The following METTL22 variants were observed in gnomAD, a reference collection of about 807,000 sequenced individuals.
METTL22 encodes the protein methyltransferase 22, Kin17 lysine, also known as methyltransferase-like protein 22.
Under a neutral mutation model 48.4 loss-of-function variants are expected in METTL22, and 51 were observed. The ratio of observed to expected loss-of-function variants is 1.05; its 90% confidence interval spans 0.84 to 1.33. The LOEUF (loss-of-function observed/expected upper bound fraction) is 1.33, where lower values mean the gene tolerates loss of function less well. METTL22 is among the 40% of genes most tolerant of loss of function. METTL22 has a pLI of 0.00. For synonymous variants in METTL22, 255 were observed against 214.1 expected (o/e 1.19, Z -1.67); for missense variants, 678 against 526.9 (o/e 1.29, Z -2.81).
At chr16:8,665,098 C>G in the METTL22 span, among the ~76,000 whole-genome samples, 3 of 151,656 alleles carry the variant, frequency 2.0e-5, no homozygotes, top group African/African-American at 7.3e-5. Flanking sequence ...AGTTTGAGAC[C>G]AGCCTGGGCA....
the METTL22 span, among the ~76,000 whole-genome samples, chr16:8,656,161 G>T: frequency 3.9e-5 from 6 of 152,276 alleles, no homozygotes; most frequent in East Asian, 1.2e-3. Flanking sequence ...GTGCACCACG[G>T]CCTCGAACTG....
rs2056859320 is a variant in METTL22 at position 8,649,433 on chromosome 16, GA to G, written c.*3295del. 1 of 152,098 alleles carries G rather than the reference GA, an allele frequency of 6.6e-6. No homozygotes were observed. Among genetic ancestry groups the G allele is most frequent in the African/African-American group, 2.4e-5 (1 of 41,392 alleles). The allele number at this position is 152,098 out of a possible 1,614,324, so 9.4% of individuals were successfully genotyped here. ...ACTCAATTTTTTTATAACATTTTCA[GA>G]AAAATATGTGACCCAAGGAGGGGAC... On this transcript the variant is annotated 3_prime_UTR_variant, in exon 11 of 11. Transcript: ENST00000381920.
In METTL22 at chr16:8,629,760, C is replaced by G. The variant is rs530568713; in HGVS notation, c.514+650C>G. Among the ~76,000 whole-genome samples, 5 of 152,068 alleles carry G rather than the reference C, an allele frequency of 3.3e-5. No homozygotes were observed. The South Asian group carries it at 1.0e-3, about 31-fold the overall frequency. On this transcript the variant is annotated intron_variant, in intron 3 of 10. Coordinates refer to ENST00000381920, the MANE Select transcript of METTL22 (RefSeq NM_024109.4). ...GGCAGAGCAGAGGGGTTTGCTGACT[C>G]TAGGATTTGAAATCTAGGGACCTGG...
At chr16:8,666,310 C>T in the METTL22 span, among the ~76,000 whole-genome samples, 3 of 152,134 alleles carry the variant, frequency 2.0e-5, no homozygotes, top group Non-Finnish European at 4.4e-5. Context: ...CCCAATGGAA[C>T]GGAGCTGCAG....
At chr16:8,666,784 C>CTTTTT in the METTL22 span, 6 of 123,218 alleles carry the variant, frequency 4.9e-5, no homozygotes, top group East Asian at 2.2e-4. Flanking sequence ...TTCTTTCTTT[C>CTTTTT]TTTTTTTTTT....
In METTL22 at chr16:8,646,324, G is replaced by A; in HGVS notation, c.*181G>A. Reference sequence around the variant, plus strand: ...TCCCTGCCTCCCAGTTGTAGCCAGAGAAGGTTGTTGCTGTGGGCTGGAGGT... The same window carrying A: ...TCCCTGCCTCCCAGTTGTAGCCAGAAAAGGTTGTTGCTGTGGGCTGGAGGT... On this transcript the variant is annotated 3_prime_UTR_variant, in exon 11 of 11. Coordinates refer to ENST00000381920, the MANE Select transcript of METTL22 (RefSeq NM_024109.4). 2 of 799,812 alleles carry A rather than the reference G, an allele frequency of 2.5e-6. No individual in the cohort carries two copies. Among genetic ancestry groups the A allele is most frequent in the Non-Finnish European group, 4.2e-6 (2 of 473,136 alleles). 49.5% of individuals were successfully genotyped at this position (799,812 alleles called of 1,614,324 possible). A position where few individuals can be genotyped will look rare whatever the true frequency, so the allele number is the denominator to read the frequency against.
the METTL22 span, among the ~76,000 whole-genome samples, chr16:8,665,146 A>AAT: frequency 1.2e-5 from 1 of 81,366 alleles, no homozygotes; most frequent in South Asian, 4.6e-4. Context: ...AATACAAAAA[A>AAT]AGTAATAATA....
At position 8,628,727 on chromosome 16, in the gene METTL22, C is replaced by G. The variant is rs754553917; in HGVS notation, c.134-3C>G. On this transcript the variant is annotated splice_region_variant and splice_polypyrimidine_tract_variant and intron_variant, in intron 2 of 10. Transcript: ENST00000381920. ...TCATTTTGCGTTCTGTCTTGCCTTT[C>G]AGTTTTCCTGTCCCAATTCAAGCTT... 8 of 1,597,194 alleles carry G rather than the reference C, an allele frequency of 5.0e-6. No homozygotes were observed. Among genetic ancestry groups the G allele is most frequent in the Non-Finnish European group, 6.8e-6 (8 of 1,170,676 alleles).
the METTL22 span, chr16:8,666,855 C>T: frequency 6.6e-6 from 1 of 150,460 alleles, no homozygotes; most frequent in Non-Finnish European, 1.5e-5. Context: ...GGTACCATCT[C>T]GGCTCACTGC....
At chr16:8,622,481 C>G (rs1444609659) in intron 1 of METTL22, among the ~76,000 whole-genome samples, 1 of 152,106 alleles carries the variant, frequency 6.6e-6, no homozygotes, top group Non-Finnish European at 1.5e-5. Flanking sequence ...GGGGCAGGTC[C>G]CCATCTGCAA....
chr16:8,643,855 C>G (rs2056699252), intron 9 of METTL22, among the ~76,000 whole-genome samples: 1 of 152,222 alleles, frequency 6.6e-6, no homozygotes, highest in Non-Finnish European at 1.5e-5. Context: ...CTCAGGTGAT[C>G]TGCCCTCCTC....
rs1283669850 is a variant in METTL22 at position 8,625,441 on chromosome 16, AAAATGAATATAATGAGTG to A, written c.-170-42_-170-25del. The A allele has an allele frequency of 5.2e-5, 20 of 381,694 alleles. No homozygotes were observed. The South Asian group carries it at 6.8e-4, about 13-fold the overall frequency. The allele number at this position is 381,694 out of a possible 1,614,324, so 23.6% of individuals were successfully genotyped here. Reference sequence around the variant, plus strand: ...ATATAATGAATATATGAATGAATATAAAATGAATATAATGAGTGAAATGAATATAAACAAAATAACGCA... The same window carrying A: ...ATATAATGAATATATGAATGAATATAAAATGAATATAAACAAAATAACGCA... On this transcript the variant is annotated intron_variant, in intron 1 of 10. Coordinates refer to ENST00000381920, the MANE Select transcript of METTL22 (RefSeq NM_024109.4).
intron 3 of METTL22, chr16:8,631,151 C>T (rs1034233646): frequency 2.0e-5 from 3 of 152,180 alleles, no homozygotes; most frequent in Non-Finnish European, 4.4e-5. Flanking sequence ...TTCCTCTGAC[C>T]CGTAAATCAA....
chr16:8,641,232 T>A lies in METTL22; in HGVS notation c.826+48T>A. On this transcript the variant is annotated intron_variant, in intron 7 of 10. Coordinates refer to ENST00000381920, the MANE Select transcript of METTL22 (RefSeq NM_024109.4). ...CCCCAGTATGATTCAGTGATTCCTT[T>A]GTAATACCTCAGTGCCCCTGGCTCT... The A allele has an allele frequency of 1.9e-6, 3 of 1,584,528 alleles. No homozygotes were observed. In the South Asian group the frequency reaches 3.3e-5, roughly 18 times the overall value.
the METTL22 span, among the ~76,000 whole-genome samples, chr16:8,660,780 TGGAGGAGGAGGA>T: frequency 6.7e-3 from 105 of 15,748 alleles, 1 homozygote; most frequent in African/African-American, 0.015. Context: ...GGGCAAGTCT[TGGAGGAGGAGGA>T]GGAGGAGGAG....
At chr16:8,640,997 G>C (rs1057164287) in intron 6 of METTL22, 134 bp from the exon 7 acceptor site, 1 of 738,494 alleles carries the variant, frequency 1.4e-6, no homozygotes, top group South Asian at 1.7e-5. Flanking sequence ...AAGATGGAAG[G>C]GCAGGAAGGT....
chr16:8,625,789 G>A lies in METTL22; in HGVS notation c.124G>A (p.Gly42Arg). 2 of 1,614,112 alleles carry A rather than the reference G, an allele frequency of 1.2e-6. No individual in the cohort carries two copies. Among genetic ancestry groups the A allele is most frequent in the Non-Finnish European group, 1.7e-6 (2 of 1,179,996 alleles). ...RHLMVRLNSV[G>R]QPVFLSQFKL... ...TCTCATGGTACGGCTGAACAGCGTG[G>A]GGCAGCCAGGTAAGGTCCTGGGCCC... The change falls in exon 2 of 11, where the codon GGG (glycine) becomes AGG (arginine). Residue 42 changes from glycine to arginine, a missense_variant. Coordinates refer to ENST00000381920, the MANE Select transcript of METTL22 (RefSeq NM_024109.4).
At chr16:8,641,794 G>C (rs1479171899) in intron 7 of METTL22, 4 of 465,278 alleles carry the variant, frequency 8.6e-6, no homozygotes, top group African/African-American at 7.8e-5. Flanking sequence ...GTGCAAAACT[G>C]AGGCTGTTTT....
At chr16:8,645,453 G>A (rs1730996) in intron 10 of METTL22, among the ~76,000 whole-genome samples, 150,369 of 152,274 alleles carry the variant, frequency 0.99, 74,280 homozygotes, top group Middle Eastern at 1. Context: ...TTTCTTACAA[G>A]TCAGCAGCCC....
Sources: allele counts gnomAD v4.1 joint callset (sites outside exome capture counted in the v4.1 genomes callset), GRCh38; gene constraint gnomAD v4.1.1; transcripts MANE v1.5; gene names NCBI Gene and HGNC (gene_info 2026-07-23, HGNC 2026-07-21).